KCNAB2: variants seen among roughly 807,000 people sequenced by gnomAD.
The protein encoded by KCNAB2 is potassium voltage-gated channel subfamily A regulatory beta subunit 2.
A neutral mutation model predicts 63.6 loss-of-function variants in KCNAB2; 29 were observed. The ratio of observed to expected loss-of-function variants is 0.46; its 90% CI spans 0.34 to 0.62. The LOEUF (loss-of-function observed/expected upper bound fraction) is 0.62. KCNAB2 is among the 20% of genes least tolerant of loss of function. The pLI, the probability that KCNAB2 is intolerant of heterozygous loss-of-function variation, is 0.01. For synonymous variants in KCNAB2, 222 were observed against 224.2 expected (o/e 0.99, Z 0.09); for missense variants, 359 against 563.9 (o/e 0.64, Z 3.68).
At chr1:6,047,019 A>G (rs932477446) in intron 1 of KCNAB2, among the ~76,000 whole-genome samples, 1 of 152,168 alleles carries the variant, frequency 6.6e-6, no homozygotes, top group African/African-American at 2.4e-5. Context: ...ATAGATTTGC[A>G]CCAGGCAGGC....
At chr1:6,052,997 C>T (rs1280257717) in intron 2 of KCNAB2, among the ~76,000 whole-genome samples, 7 of 152,152 alleles carry the variant, frequency 4.6e-5, no homozygotes, top group South Asian at 2.1e-4. Context: ...AGGCCAGGAC[C>T]GCTCCTTTAA....
chr1:6,027,840 C>T (rs116925560), intron 1 of KCNAB2, among the ~76,000 whole-genome samples: 1 of 152,328 alleles, frequency 6.6e-6, no homozygotes, highest in East Asian at 1.9e-4. Context: ...GTCCCCTCGG[C>T]TCAGGCCTCA....
chr1:5,998,531 G>A (rs940146206), intron 1 of KCNAB2, among the ~76,000 whole-genome samples: 3 of 152,202 alleles, frequency 2.0e-5, no homozygotes, highest in Admixed American at 2.0e-4. Context: ...TGTCACCTGG[G>A]GGTAGTGCCA....
intron 1 of KCNAB2, among the ~76,000 whole-genome samples, chr1:6,013,248 C>T (rs1658297933): frequency 6.6e-6 from 1 of 152,150 alleles, no homozygotes; most frequent in Admixed American, 6.5e-5. Context: ...GACAGACCCA[C>T]CCCCTGCCCT....
chr1:6,093,014 G>A (rs756034742), intron 10 of KCNAB2, among the ~76,000 whole-genome samples: 4 of 152,198 alleles, frequency 2.6e-5, no homozygotes, highest in African/African-American at 7.2e-5. Context: ...CTCAGGGAGC[G>A]ACCCCCAAAA....
intron 2 of KCNAB2, among the ~76,000 whole-genome samples, chr1:6,064,205 C>T (rs937583175): frequency 1.3e-5 from 2 of 152,238 alleles, no homozygotes; most frequent in South Asian, 2.1e-4. Context: ...GGCTGAACAC[C>T]GCCTTCTGGG....
chr1:6,077,407 T>C (rs1571042260), intron 4 of KCNAB2, among the ~76,000 whole-genome samples: 1 of 152,146 alleles, frequency 6.6e-6, no homozygotes, highest in African/African-American at 2.4e-5. Flanking sequence ...CGTGAGTCGC[T>C]CCCTCTCTTT....
Position 6,040,383 on chromosome 1 carries a change from G to A in KCNAB2, c.-52-134G>A, listed in dbSNP as rs1018058759. 4.9e-5 allele frequency: 31 copies of A among 629,670 alleles called. No homozygotes were observed. The Admixed American group carries it at 7.7e-4, about 16-fold the overall frequency. 39.0% of individuals were successfully genotyped at this position (629,670 alleles called of 1,614,324 possible). On this transcript the variant is annotated intron_variant, in intron 1 of 15. Coordinates refer to the KCNAB2 transcript ENST00000164247. Reference sequence around the variant, plus strand: ...CTGTCGTCTGTCTGTCTGTCTCTCTGCTGAGGGGCTCCCCGATGCCCTGAA... The same window carrying A: ...CTGTCGTCTGTCTGTCTGTCTCTCTACTGAGGGGCTCCCCGATGCCCTGAA...
chr1:6,099,509 C>T lies in KCNAB2; in HGVS notation c.*935C>T, dbSNP rs1665893763. On this transcript the variant is annotated 3_prime_UTR_variant, in exon 16 of 16. Coordinates refer to ENST00000378083, the MANE Select transcript of KCNAB2 (RefSeq NM_001199862.2). The stretch of plus-strand genomic sequence containing the variant: ...AGCTGCACGGTGGCTGCTGGCCACA[C>T]CACGGCAAGTGGCAGCAGGGGCCGG... 1 of 335,762 alleles carries T rather than the reference C, an allele frequency of 3.0e-6. No individual in the cohort carries two copies. The highest frequency in any genetic ancestry group is 5.1e-5 in the East Asian group (1 of 19,776). 20.8% of individuals were successfully genotyped at this position (335,762 alleles called of 1,614,324 possible).
At chr1:6,027,323 C>T in intron 1 of KCNAB2, 1 of 152,918 alleles carries the variant, frequency 6.5e-6, no homozygotes, top group Non-Finnish European at 1.4e-5. Context: ...GCTATGGGGA[C>T]TGAACTGTCG....
At chr1:6,091,411 C>T (rs973896685) in intron 10 of KCNAB2, 104 bp downstream of exon 10, 3 of 844,984 alleles carry the variant, frequency 3.6e-6, no homozygotes, top group Middle Eastern at 2.3e-4. Flanking sequence ...AGAAACTTCT[C>T]CATAAAATGC....
chr1:6,042,852 C>T (rs1470052447), upstream of KCNAB2, among the ~76,000 whole-genome samples: 3 of 129,300 alleles, frequency 2.3e-5, no homozygotes, highest in Non-Finnish European at 5.1e-5. Context: ...CACCCCCCCC[C>T]CCGTTTGCCA....
At chr1:6,066,396 T>C (rs1413537753) in intron 2 of KCNAB2, among the ~76,000 whole-genome samples, 2 of 152,138 alleles carry the variant, frequency 1.3e-5, no homozygotes, top group African/African-American at 2.4e-5. Context: ...ACTTGGGCAG[T>C]TTGTGCTGAG....
rs551535756 is a variant in KCNAB2 at position 6,088,020 on chromosome 1, C to T, written c.470+509C>T. On this transcript the variant is annotated intron_variant, in intron 7 of 15. Coordinates refer to ENST00000378083, the MANE Select transcript of KCNAB2 (RefSeq NM_001199862.2). ...CTTGGGCTCATAGGAATTATAACTA[C>T]GATTCATTCATTCATTCTTTTTTTT... Among the ~76,000 whole-genome samples the T allele has an allele frequency of 9.9e-5, 15 of 152,196 alleles. No homozygotes were observed. The South Asian group carries it at 1.7e-3, about 17-fold the overall frequency.
At chr1:6,054,055 A>AC (rs994997057) in intron 2 of KCNAB2, among the ~76,000 whole-genome samples, 1 of 151,796 alleles carries the variant, frequency 6.6e-6, no homozygotes, top group Non-Finnish European at 1.5e-5. Context: ...AAAAAAAAAA[A>AC]AAAGAAGAAG....
At chr1:6,048,784 C>T (rs114043634) in intron 1 of KCNAB2, among the ~76,000 whole-genome samples, 2,542 of 152,304 alleles carry the variant, frequency 0.017, 57 homozygotes, top group African/African-American at 0.057. Flanking sequence ...TGCCCCACAC[C>T]GGACTGGCAG....
At chr1:6,089,945 G>A (rs925980897) in intron 8 of KCNAB2, among the ~76,000 whole-genome samples, 4 of 152,164 alleles carry the variant, frequency 2.6e-5, no homozygotes, top group Non-Finnish European at 5.9e-5. Flanking sequence ...CAAGTGATGC[G>A]CCCGCCTTGG....
chr1:6,059,855 C>A (rs183948161), intron 2 of KCNAB2, among the ~76,000 whole-genome samples: 1 of 152,180 alleles, frequency 6.6e-6, no homozygotes, highest in African/African-American at 2.4e-5. Context: ...CGTGCAAAGC[C>A]GGTTCCCGGG....
intron 1 of KCNAB2, among the ~76,000 whole-genome samples, chr1:6,002,102 T>C (rs1200016596): frequency 6.6e-6 from 1 of 152,208 alleles, no homozygotes; most frequent in Non-Finnish European, 1.5e-5. Flanking sequence ...GGCCATGTCA[T>C]GAGGCCTTGG....
Sources: allele counts gnomAD v4.1 joint callset (sites outside exome capture counted in the v4.1 genomes callset), GRCh38; gene constraint gnomAD v4.1.1; transcripts MANE v1.5; gene names NCBI Gene and HGNC (gene_info 2026-07-23, HGNC 2026-07-21).